The following CNOT4 variants were observed in gnomAD, a reference collection of about 807,000 sequenced individuals.
CNOT4 encodes CCR4-associated factor 4.
In CNOT4, 8 loss-of-function variants were observed where a neutral mutation model predicts 73.8. The ratio of observed to expected loss-of-function variants is 0.11; its 90% CI spans 0.06 to 0.20. The LOEUF is 0.20. CNOT4 is among the 10% of genes least tolerant of loss of function. The pLI is 1.00. For synonymous variants in CNOT4, 293 were observed against 321.1 expected, an observed-to-expected ratio of 0.91 and a Z score of 0.94; for missense variants, 564 against 883.4, an observed-to-expected ratio of 0.64 and a Z score of 4.58.
At chr7:135,445,111 A>G (rs1404600553) in intron 1 of CNOT4, among the ~76,000 whole-genome samples, 1 of 152,222 alleles carries the variant, frequency 6.6e-6, no homozygotes, top group African/African-American at 2.4e-5. Context: ...GAGAGGAACT[A>G]TATCTAAGAA....
intron 1 of CNOT4, among the ~76,000 whole-genome samples, chr7:135,450,507 CCACGCCTGG>C (rs1343609566): frequency 6.6e-6 from 1 of 152,136 alleles, no homozygotes; most frequent in Non-Finnish European, 1.5e-5. Flanking sequence ...GTGCACACCA[CCACGCCTGG>C]CTAATTTTTG....
intron 1 of CNOT4, among the ~76,000 whole-genome samples, chr7:135,441,731 A>C (rs1282545675): frequency 6.6e-6 from 1 of 152,236 alleles, no homozygotes; most frequent in East Asian, 1.9e-4. Context: ...GCTTTCTAGA[A>C]GGTAAATTAC....
rs1794807692 is a variant in CNOT4 at position 135,364,452 on chromosome 7, G to A, written c.1628-386C>T. 6.6e-6 allele frequency among the ~76,000 whole-genome samples: 1 copy of A among 152,218 alleles called. No individual in the cohort carries two copies. Among genetic ancestry groups the A allele is most frequent in the Non-Finnish European group, 1.5e-5 (1 of 68,034 alleles). On this transcript the variant is annotated intron_variant, in intron 10 of 11. Transcript: ENST00000541284. This position sits in a 1 kb window ranked among gnomAD's most constrained non-coding sequence, Gnocchi z 4.3. The stretch of plus-strand genomic sequence containing the variant: ...CTGATTTACGCTATAAAAAAGCCAA[G>A]TCTGCAAAGTCCAATATAGGAGCTT...
intron 3 of CNOT4, among the ~76,000 whole-genome samples, chr7:135,418,680 T>C (rs1435008108): frequency 1.3e-5 from 2 of 152,210 alleles, no homozygotes; most frequent in African/African-American, 4.8e-5. Context: ...AAATGAAATG[T>C]TGTGTCTTTA....
intron 7 of CNOT4, among the ~76,000 whole-genome samples, chr7:135,407,498 A>G (rs1300272013): frequency 1.3e-5 from 2 of 152,214 alleles, no homozygotes; most frequent in African/African-American, 4.8e-5. Flanking sequence ...AGACATCCCC[A>G]TGAAAGTAAG....
intron 6 of CNOT4, 137 bp from the exon 7 acceptor site, chr7:135,410,785 T>G: frequency 3.6e-6 from 2 of 555,018 alleles, no homozygotes; most frequent in South Asian, 1.1e-4. Flanking sequence ...TTAAATAAAT[T>G]TTAAATAAAT....
chr7:135,440,868 G>A (rs1211597553), intron 1 of CNOT4, among the ~76,000 whole-genome samples: 2 of 150,746 alleles, frequency 1.3e-5, no homozygotes, highest in Admixed American at 6.6e-5. Flanking sequence ...GCAGCGAGCC[G>A]AGATCATTGC....
At chr7:135,468,375 T>G (rs1801358358) in intron 1 of CNOT4, among the ~76,000 whole-genome samples, 2 of 151,328 alleles carry the variant, frequency 1.3e-5, no homozygotes, top group South Asian at 4.2e-4. Flanking sequence ...CATGAAGAAC[T>G]CTACCAAAAA....
intron 10 of CNOT4, among the ~76,000 whole-genome samples, chr7:135,369,874 C>T (rs1263201636): frequency 2.0e-5 from 3 of 152,174 alleles, no homozygotes; most frequent in African/African-American, 7.2e-5. Context: ...GACTCAAATA[C>T]AAATGATTTA....
At chr7:135,447,342 A>G (rs955753644) in intron 1 of CNOT4, among the ~76,000 whole-genome samples, 1 of 152,220 alleles carries the variant, frequency 6.6e-6, no homozygotes, top group Non-Finnish European at 1.5e-5. Flanking sequence ...CAAAGTACCA[A>G]TGTATATCTA....
intron 2 of CNOT4, among the ~76,000 whole-genome samples, chr7:135,430,578 G>A (rs1798768000): frequency 6.6e-6 from 1 of 151,752 alleles, no homozygotes; most frequent in Non-Finnish European, 1.5e-5. Flanking sequence ...CCAGGAGGTT[G>A]AAGCTGCAGT....
intron 1 of CNOT4, among the ~76,000 whole-genome samples, chr7:135,455,701 C>T (rs1800483221): frequency 6.6e-6 from 1 of 151,978 alleles, no homozygotes; most frequent in Non-Finnish European, 1.5e-5. Context: ...ATGCTGAAAC[C>T]CTATCTCTAC....
At chr7:135,474,276 ATTTTTTTTTTTTTT>A (rs869203152) in intron 1 of CNOT4, among the ~76,000 whole-genome samples, 1 of 87,974 alleles carries the variant, frequency 1.1e-5, no homozygotes, top group Non-Finnish European at 2.2e-5. Context: ...CTGTGCCCAA[ATTTTTTTTTTTTTT>A]TTTTTTTTTT....
rs1800351262 is a variant in CNOT4, at chr7:135,453,848, T to TATATATA, written c.-92-15432_-92-15426dup. ...ATTTTATATATATATATATATATAT[T>TATATATA]ATATATATAGCTGGTACAGCAGCTC... On this transcript the variant is annotated intron_variant, in intron 1 of 11. Transcript: ENST00000541284. Among the ~76,000 whole-genome samples, 262 of 116,704 alleles carry TATATATA rather than the reference T, an allele frequency of 2.2e-3. 2 individuals are homozygous for TATATATA. Among genetic ancestry groups the TATATATA allele is most frequent in the African/African-American group, 6.4e-3 (213 of 33,028 alleles). The allele number at this position is 116,704 out of a possible 152,430, so 76.6% of individuals were successfully genotyped here. A position where few individuals can be genotyped will look rare whatever the true frequency, so the allele number is the denominator to read the frequency against.
At chr7:135,503,280 C>A (rs942258017) in intron 1 of CNOT4, among the ~76,000 whole-genome samples, 2 of 152,022 alleles carry the variant, frequency 1.3e-5, no homozygotes, top group African/African-American at 4.8e-5. Context: ...CCCTGGGCAA[C>A]AGGGTGAGCC....
chr7:135,407,392 T>C (rs1797351887), intron 7 of CNOT4, among the ~76,000 whole-genome samples: 1 of 152,160 alleles, frequency 6.6e-6, no homozygotes, highest in South Asian at 2.1e-4. Context: ...AAAGTCTCAA[T>C]AAATGAGGAA....
At chr7:135,416,042 T>C (rs1797856283) in intron 3 of CNOT4, among the ~76,000 whole-genome samples, 1 of 152,160 alleles carries the variant, frequency 6.6e-6, no homozygotes, top group African/African-American at 2.4e-5. Flanking sequence ...GACCGGTATG[T>C]AACTTGATAA....
intron 10 of CNOT4, among the ~76,000 whole-genome samples, chr7:135,377,337 T>C (rs1267155355): frequency 6.6e-6 from 1 of 152,326 alleles, no homozygotes; most frequent in East Asian, 1.9e-4. Context: ...ATTGGCTTCA[T>C]CCACTGTAAC....
chr7:135,416,384 T>C (rs186365886), intron 3 of CNOT4, among the ~76,000 whole-genome samples: 10 of 152,280 alleles, frequency 6.6e-5, no homozygotes, highest in African/African-American at 2.4e-4. Context: ...CTTGTAAGTA[T>C]AAGGTAACTG....
Sources: gnomAD v4.1 joint callset for allele counts (sites outside exome capture counted in the v4.1 genomes callset) on GRCh38, gnomAD v4.1.1 for gene constraint, Gnocchi (gnomAD v3.1) non-coding constraint, MANE v1.5 for transcripts, NCBI Gene and HGNC (gene_info 2026-07-23, HGNC 2026-07-21) for gene names.